Variants in PTCHD4 observed in about 807,000 individuals in gnomAD.
The protein encoded by PTCHD4 is patched domain containing 4.
PTCHD4 carries 33 observed loss-of-function variants against 58.1 expected under a neutral mutation model. The observed-to-expected ratio is 0.57, with a 90% CI of 0.43 to 0.76. PTCHD4 has a LOEUF of 0.76. Among genes scored for constraint, PTCHD4 ranks in the 30% least tolerant of loss-of-function variants. The probability of loss-of-function intolerance (pLI) is 0.00; values close to 1 mark genes in which losing one functional copy is unlikely to be tolerated. For missense variants in PTCHD4, 1,058 were observed against 1,027.1 expected (o/e 1.03, Z -0.41); for synonymous variants, 478 against 409.6 (o/e 1.17, Z -2.02).
intron 4 of PTCHD4, among the ~76,000 whole-genome samples, chr6:47,985,902 A>T (rs1181864853): frequency 6.6e-6 from 1 of 151,984 alleles, no homozygotes; most frequent in East Asian, 1.9e-4. Context: ...TTGAATAGAG[A>T]CCAAAGCAGA....
intron 4 of PTCHD4, among the ~76,000 whole-genome samples, chr6:47,895,524 A>G (rs1486266770): frequency 6.6e-6 from 1 of 152,250 alleles, no homozygotes; most frequent in African/African-American, 2.4e-5. Flanking sequence ...GGAATCTTCA[A>G]TAAGATAGCC....
chr6:48,020,627 T>A (rs927680387), intron 3 of PTCHD4, among the ~76,000 whole-genome samples: 1 of 152,060 alleles, frequency 6.6e-6, no homozygotes, highest in Non-Finnish European at 1.5e-5. Context: ...AAAGGGAGGA[T>A]AAAGTCTTTT....
intron 4 of PTCHD4, among the ~76,000 whole-genome samples, chr6:47,997,216 T>A (rs552311409): frequency 1.3e-5 from 2 of 152,332 alleles, no homozygotes; most frequent in African/African-American, 4.8e-5. Flanking sequence ...TTTCATTCGA[T>A]GAAGTGAGCC....
chr6:47,950,670 T>C (rs1196180878), intron 4 of PTCHD4, among the ~76,000 whole-genome samples: 2 of 152,168 alleles, frequency 1.3e-5, no homozygotes, highest in Non-Finnish European at 2.9e-5. Context: ...GAAGAAATTA[T>C]ATCTAGATGA....
chr6:47,907,859 T>C (rs112455148), intron 4 of PTCHD4, among the ~76,000 whole-genome samples: 1 of 152,088 alleles, frequency 6.6e-6, no homozygotes, highest in Non-Finnish European at 1.5e-5. Context: ...CAGCAGACTG[T>C]AGGGGAAACC....
chr6:48,032,840 C>T (rs1763497841), intron 3 of PTCHD4, among the ~76,000 whole-genome samples: 1 of 152,090 alleles, frequency 6.6e-6, no homozygotes, highest in Admixed American at 6.6e-5. Flanking sequence ...TGAATCACTC[C>T]AATGACATTT....
Position 47,879,719 on chromosome 6 carries a change from A to T in PTCHD4, c.1116T>A (p.Ile372=). The change falls in exon 5 of 5, where the codon ATT becomes ATA. Residue 372 remains isoleucine (I), a synonymous_variant. Transcript: ENST00000339488. The part of the protein sequence containing the change: ...KVFCQNMCVS[I]LLNYFYIFSF... Reference sequence around the variant, plus strand: ...AGAAAATGTAGAAGTAGTTCAACAGAATAGAGACACACATGTTTTGACAGA... The same window carrying T: ...AGAAAATGTAGAAGTAGTTCAACAGTATAGAGACACACATGTTTTGACAGA... 1 of 1,613,682 alleles carries T rather than the reference A, an allele frequency of 6.2e-7. No homozygotes were observed. The highest frequency in any genetic ancestry group is 1.1e-5 in the South Asian group (1 of 91,076).
In PTCHD4 at chr6:47,879,124, C is replaced by T; in HGVS notation, c.1711G>A (p.Val571Ile). The change falls in exon 5 of 5, where the codon GTC (valine) becomes ATC (isoleucine). Residue 571 changes from valine (V) to isoleucine (I), a missense_variant. Val to Ile is a conservative substitution (Grantham distance 29, BLOSUM62 3). Coordinates refer to ENST00000339488, the MANE Select transcript of PTCHD4 (RefSeq NM_001384253.1). ...TTTTTTAAAAATGAGCTTTGCAGGA[C>T]ACTGATGAAGTCACTTTTGTTATTG... is the stretch of plus-strand genomic sequence containing the variant. The part of the protein sequence containing the change: ...SANNKSDFIS[V>I]LQSSFLKKPE... 1 of 1,612,356 alleles carries T rather than the reference C, an allele frequency of 6.2e-7. No individual in the cohort carries two copies. The highest frequency in any genetic ancestry group is 8.5e-7 in the Non-Finnish European group (1 of 1,179,680).
intron 4 of PTCHD4, 133 bp from the exon 5 acceptor site, chr6:47,880,069 G>T: frequency 1.4e-6 from 1 of 723,314 alleles, no homozygotes; most frequent in Non-Finnish European, 2.1e-6. Flanking sequence ...CTCCTATCAG[G>T]GCCTCAAAAG....
chr6:48,068,926 C>G lies in PTCHD4; in HGVS notation c.5+27G>C, dbSNP rs1764908298. Among the ~76,000 whole-genome samples, 6 of 151,736 alleles carry G rather than the reference C, an allele frequency of 4.0e-5. No individual in the cohort carries two copies. Among genetic ancestry groups the G allele is most frequent in the Admixed American group, 3.3e-4 (5 of 15,252 alleles). On this transcript the variant is annotated intron_variant, in intron 2 of 4. Coordinates refer to ENST00000339488, the MANE Select transcript of PTCHD4 (RefSeq NM_001384253.1). This position sits in a 1 kb window ranked among gnomAD's most constrained non-coding sequence, Gnocchi z 4.2. ...ACCCCCTCCCCGGTCTCCCCGCGCC[C>G]TCGCCGCCTCCCGCGCTGGCTCTCA...
At chr6:47,884,887 A>G (rs972223908) in intron 4 of PTCHD4, among the ~76,000 whole-genome samples, 1 of 152,198 alleles carries the variant, frequency 6.6e-6, no homozygotes, top group Admixed American at 6.5e-5. Context: ...GATAACATGA[A>G]TAGAGACAAA....
At chr6:47,904,969 T>A (rs1764829148) in intron 4 of PTCHD4, among the ~76,000 whole-genome samples, 1 of 150,510 alleles carries the variant, frequency 6.6e-6, no homozygotes, top group Non-Finnish European at 1.5e-5. Context: ...AAGAAGAATT[T>A]CATGCACAAG....
At chr6:48,091,720 C>T (rs1449876287) in intron 1 of PTCHD4, among the ~76,000 whole-genome samples, 2 of 148,504 alleles carry the variant, frequency 1.3e-5, no homozygotes, top group East Asian at 4.2e-4. Context: ...AATCTCGGCT[C>T]ACTGCAATCT....
In PTCHD4 at chr6:47,879,678, C is replaced by A. The variant is rs770339335; in HGVS notation, c.1157G>T (p.Cys386Phe). Reference sequence around the variant, plus strand: ...CTCTAGTTGGCCAGCAAAGACCAGACAGGAGCCAAAGAAGGAGAAAATGTA... The same window carrying A: ...CTCTAGTTGGCCAGCAAAGACCAGAAAGGAGCCAAAGAAGGAGAAAATGTA... ...YFYIFSFFGS[C>F]LVFAGQLEQN... Residue 386 changes from cysteine (C) to phenylalanine (F), a missense_variant, in exon 5 of 5, where the codon TGT becomes TTT. Physicochemically the swap from Cys to Phe is radical, Grantham distance 205. Coordinates refer to ENST00000339488, the MANE Select transcript of PTCHD4 (RefSeq NM_001384253.1). The A allele has an allele frequency of 6.2e-7, 1 of 1,613,548 alleles. No homozygotes were observed.
chr6:48,019,242 C>A (rs1310428004), intron 3 of PTCHD4, among the ~76,000 whole-genome samples: 1 of 152,264 alleles, frequency 6.6e-6, no homozygotes, highest in East Asian at 1.9e-4. Flanking sequence ...ACTGTTTATT[C>A]ATCCAAGAAA....
At chr6:48,061,849 C>G (rs1019451951) in intron 3 of PTCHD4, among the ~76,000 whole-genome samples, 6 of 152,194 alleles carry the variant, frequency 3.9e-5, no homozygotes, top group African/African-American at 1.4e-4. Context: ...AGAAATGAGT[C>G]ATTCCATGAT....
At chr6:48,010,859 T>G (rs1172194893) in intron 3 of PTCHD4, among the ~76,000 whole-genome samples, 1 of 152,118 alleles carries the variant, frequency 6.6e-6, no homozygotes, top group Non-Finnish European at 1.5e-5. Context: ...TGTTCCTGTG[T>G]TAGTTTGCTG....
chr6:48,108,986 A>G (rs975181341), intron 1 of PTCHD4, among the ~76,000 whole-genome samples: 1 of 152,164 alleles, frequency 6.6e-6, no homozygotes, highest in Non-Finnish European at 1.5e-5. Flanking sequence ...AGATAACATT[A>G]TGTGCAAATT....
At chr6:48,052,523 C>G (rs1179050830) in intron 3 of PTCHD4, among the ~76,000 whole-genome samples, 1 of 151,962 alleles carries the variant, frequency 6.6e-6, no homozygotes, top group Non-Finnish European at 1.5e-5. Flanking sequence ...GTAGATGAGA[C>G]AACCCTCCAC....
Sources: gnomAD v4.1 joint callset for allele counts (sites outside exome capture counted in the v4.1 genomes callset) on GRCh38, gnomAD v4.1.1 for gene constraint, Gnocchi (gnomAD v3.1) non-coding constraint, MANE v1.5 for transcripts, NCBI Gene and HGNC (gene_info 2026-07-23, HGNC 2026-07-21) for gene names.